NRG3: variants seen among roughly 807,000 people sequenced by gnomAD.
The protein encoded by NRG3 is neuregulin 3, also known as pro-neuregulin-3, membrane-bound isoform.
In NRG3, 31 loss-of-function variants were observed where a neutral mutation model predicts 66.9. That is an observed-to-expected ratio of 0.46 (90% CI 0.35 to 0.63). The LOEUF (loss-of-function observed/expected upper bound fraction) is 0.63. NRG3 is among the 20% of genes least tolerant of loss of function. NRG3 has a pLI of 0.00. For missense variants in NRG3, 910 were observed against 878.9 expected (o/e 1.04, Z -0.45); for synonymous variants, 393 against 359.4 (o/e 1.09, Z -1.06).
intron 1 of NRG3, among the ~76,000 whole-genome samples, chr10:82,145,398 C>T (rs2070169518): frequency 6.6e-6 from 1 of 151,988 alleles, no homozygotes; most frequent in Non-Finnish European, 1.5e-5. Context: ...TGCTTTGAGC[C>T]CAAGAATCTT....
intron 1 of NRG3, among the ~76,000 whole-genome samples, chr10:82,350,152 C>T (rs915447657): frequency 5.9e-5 from 9 of 152,220 alleles, no homozygotes; most frequent in African/African-American, 1.9e-4. Flanking sequence ...GATTATTAGC[C>T]TCAGGTATGT....
intron 1 of NRG3, among the ~76,000 whole-genome samples, chr10:82,252,931 C>G (rs1029371273): frequency 1.3e-5 from 2 of 152,126 alleles, no homozygotes; most frequent in Non-Finnish European, 2.9e-5. Flanking sequence ...ACTAGAACAT[C>G]GCCCAAAGCC....
chr10:82,001,642 A>G (rs999658953), intron 1 of NRG3, among the ~76,000 whole-genome samples: 2 of 152,210 alleles, frequency 1.3e-5, no homozygotes, highest in Admixed American at 1.3e-4. Flanking sequence ...TTTTCTACAC[A>G]TAGGAAAGCT....
At chr10:82,044,075 A>G (rs1386063466) in intron 1 of NRG3, among the ~76,000 whole-genome samples, 2 of 152,074 alleles carry the variant, frequency 1.3e-5, no homozygotes, top group Non-Finnish European at 2.9e-5. Context: ...GAAGGTTTGC[A>G]AAGTGAAAAT....
intron 1 of NRG3, among the ~76,000 whole-genome samples, chr10:82,132,137 T>A (rs2068867451): frequency 6.6e-6 from 1 of 152,048 alleles, no homozygotes; most frequent in African/African-American, 2.4e-5. Context: ...AGGCTTTCAG[T>A]TGTTCCCTGT....
chr10:82,202,754 GTTGT>G (rs1271541552), intron 1 of NRG3, among the ~76,000 whole-genome samples: 72 of 152,198 alleles, frequency 4.7e-4, no homozygotes, highest in African/African-American at 1.7e-3. Context: ...TGTGTGTGTT[GTTGT>G]TTGTTTGTTT....
chr10:81,921,859 A>C (rs1047717467), intron 1 of NRG3, among the ~76,000 whole-genome samples: 2 of 152,164 alleles, frequency 1.3e-5, no homozygotes, highest in African/African-American at 4.8e-5. Context: ...AATGACATTT[A>C]TGTTAATTTG....
chr10:82,829,330 G>T (rs201820974), intron 3 of NRG3, among the ~76,000 whole-genome samples: 1 of 152,082 alleles, frequency 6.6e-6, no homozygotes, highest in African/African-American at 2.4e-5. Flanking sequence ...AAGAATAATT[G>T]AACTCCTTTG....
intron 1 of NRG3, among the ~76,000 whole-genome samples, chr10:82,024,233 T>A (rs1428134949): frequency 6.6e-6 from 1 of 151,960 alleles, no homozygotes; most frequent in East Asian, 1.9e-4. Flanking sequence ...GAATTGAGTC[T>A]TGTTTTCTTA....
At chr10:81,986,122 A>C (rs904903790) in intron 1 of NRG3, among the ~76,000 whole-genome samples, 3 of 152,198 alleles carry the variant, frequency 2.0e-5, no homozygotes, top group Admixed American at 6.5e-5. Flanking sequence ...TATTAACATA[A>C]TTATTAGTTA....
At chr10:82,082,598 G>A (rs1026512384) in intron 1 of NRG3, among the ~76,000 whole-genome samples, 1 of 152,172 alleles carries the variant, frequency 6.6e-6, no homozygotes. Flanking sequence ...ATTTGGGGCT[G>A]TATCCATGTA....
chr10:82,398,018 T>A (rs1249612341), intron 2 of NRG3, among the ~76,000 whole-genome samples: 2 of 152,188 alleles, frequency 1.3e-5, no homozygotes, highest in East Asian at 3.9e-4. Flanking sequence ...AGTTCTGACC[T>A]GTCAATCACT....
intron 1 of NRG3, among the ~76,000 whole-genome samples, chr10:82,157,940 C>T (rs1241867386): frequency 6.6e-6 from 1 of 151,650 alleles, no homozygotes. Context: ...AAGTAATGTG[C>T]ATGATACTGA....
At chr10:82,530,796 T>TA (rs986439513) in intron 2 of NRG3, among the ~76,000 whole-genome samples, 9 of 151,762 alleles carry the variant, frequency 5.9e-5, no homozygotes, top group African/African-American at 7.2e-5. Context: ...GAAAAATTAT[T>TA]AAAAAAAAGT....
At chr10:82,740,100 C>T (rs1436860399) in intron 3 of NRG3, among the ~76,000 whole-genome samples, 1 of 150,162 alleles carries the variant, frequency 6.7e-6, no homozygotes, top group East Asian at 1.9e-4. Context: ...CTATTTATTT[C>T]CCTTCATTAT....
At chr10:82,289,550 C>G (rs922192626) in intron 1 of NRG3, among the ~76,000 whole-genome samples, 1 of 152,210 alleles carries the variant, frequency 6.6e-6, no homozygotes, top group African/African-American at 2.4e-5. Flanking sequence ...CTTGCATTCA[C>G]ATTTGTTTTC....
At chr10:82,928,721 A>G (rs896277998) in intron 4 of NRG3, among the ~76,000 whole-genome samples, 1 of 152,110 alleles carries the variant, frequency 6.6e-6, no homozygotes, top group African/African-American at 2.4e-5. Context: ...ACCATAGACA[A>G]TACAAACAAA....
At chr10:81,998,144 G>C (rs1331076882) in intron 1 of NRG3, among the ~76,000 whole-genome samples, 1 of 152,118 alleles carries the variant, frequency 6.6e-6, no homozygotes, top group Non-Finnish European at 1.5e-5. Flanking sequence ...GATATTTTCA[G>C]TGTGATAAAG....
chr10:82,683,756 T>G (rs2054291483), intron 2 of NRG3, among the ~76,000 whole-genome samples: 1 of 152,240 alleles, frequency 6.6e-6, no homozygotes, highest in Non-Finnish European at 1.5e-5. Flanking sequence ...GTAATACTTG[T>G]ATTTTTGTGG....
Sources: gnomAD v4.1 joint callset for allele counts (sites outside exome capture counted in the v4.1 genomes callset) on GRCh38, gnomAD v4.1.1 for gene constraint, MANE v1.5 for transcripts, NCBI Gene and HGNC (gene_info 2026-07-23, HGNC 2026-07-21) for gene names.